Variants in VSNL1 observed in about 807,000 individuals in gnomAD.
VSNL1 encodes the protein visinin like 1.
VSNL1 carries 6 observed loss-of-function variants against 20.4 expected under a neutral mutation model. The ratio of observed to expected loss-of-function variants is 0.29; its 90% CI spans 0.16 to 0.58. The LOEUF (loss-of-function observed/expected upper bound fraction) is 0.58. Ranked by LOEUF, VSNL1 falls within the 20% of genes least tolerant of loss-of-function variation. The pLI is 0.90. For synonymous variants in VSNL1, 93 were observed against 86.4 expected, an observed-to-expected ratio of 1.08 and a Z score of -0.42; for missense variants, 100 against 234.5, an observed-to-expected ratio of 0.43 and a Z score of 3.75.
chr2:17,585,800 C>CTTTTT (rs1383820699), intron 1 of VSNL1, among the ~76,000 whole-genome samples: 2 of 148,212 alleles, frequency 1.3e-5, no homozygotes, highest in African/African-American at 2.5e-5. Context: ...TCTTGGAATT[C>CTTTTT]TTTTTTTCTT....
chr2:17,546,166 G>A (rs926926649), intron 1 of VSNL1: 10 of 151,824 alleles, frequency 6.6e-5, no homozygotes, highest in Admixed American at 2.0e-4. Flanking sequence ...ACTTAAAAAC[G>A]ATTTTATTTT....
chr2:17,632,583 G>C (rs1263432383), intron 2 of VSNL1, among the ~76,000 whole-genome samples: 1 of 152,228 alleles, frequency 6.6e-6, no homozygotes, highest in East Asian at 1.9e-4. Flanking sequence ...ACAGGCATGA[G>C]CCACTGTGCC....
intron 2 of VSNL1, among the ~76,000 whole-genome samples, chr2:17,622,436 C>T (rs1481953700): frequency 2.0e-5 from 3 of 148,164 alleles, no homozygotes; most frequent in East Asian, 2.0e-4. Flanking sequence ...AGGCGGAGGT[C>T]GCAGTGAGCC....
At chr2:17,602,531 C>T (rs1350588319) in intron 2 of VSNL1, among the ~76,000 whole-genome samples, 2 of 152,042 alleles carry the variant, frequency 1.3e-5, no homozygotes, top group Admixed American at 6.5e-5. Flanking sequence ...TCACCTGAGG[C>T]CAGGAGTTTG....
At chr2:17,562,021 C>T (rs1418385106) in intron 1 of VSNL1, among the ~76,000 whole-genome samples, 1 of 152,198 alleles carries the variant, frequency 6.6e-6, no homozygotes, top group Non-Finnish European at 1.5e-5. Flanking sequence ...CCCCAGACTA[C>T]TGAATTACCA....
intron 2 of VSNL1, among the ~76,000 whole-genome samples, chr2:17,647,337 G>T (rs1364769956): frequency 6.6e-6 from 1 of 152,164 alleles, no homozygotes; most frequent in African/African-American, 2.4e-5. Flanking sequence ...ATGCTGGCGG[G>T]TAAACAGCAC....
chr2:17,554,644 T>C (rs1663630342), intron 1 of VSNL1, among the ~76,000 whole-genome samples: 1 of 152,158 alleles, frequency 6.6e-6, no homozygotes, highest in South Asian at 2.1e-4. Context: ...ATCAGATACC[T>C]GGTCCTTCAA....
At chr2:17,582,319 A>G (rs966185061) in intron 1 of VSNL1, among the ~76,000 whole-genome samples, 1 of 152,296 alleles carries the variant, frequency 6.6e-6, no homozygotes, top group East Asian at 1.9e-4. Context: ...ATTCAGAGTG[A>G]GGATAATGAG....
At chr2:17,582,960 A>G (rs1235093053) in intron 1 of VSNL1, among the ~76,000 whole-genome samples, 3 of 152,178 alleles carry the variant, frequency 2.0e-5, no homozygotes, top group Non-Finnish European at 4.4e-5. Context: ...TTCAACTAGA[A>G]CATTTTACTT....
At chr2:17,599,257 C>A (rs1664776863) in intron 2 of VSNL1, among the ~76,000 whole-genome samples, 1 of 152,116 alleles carries the variant, frequency 6.6e-6, no homozygotes, top group Non-Finnish European at 1.5e-5. Context: ...TCAGAGAGGG[C>A]TGGTTAGGAA....
At chr2:17,626,182 A>G (rs1665504095) in intron 2 of VSNL1, among the ~76,000 whole-genome samples, 1 of 152,150 alleles carries the variant, frequency 6.6e-6, no homozygotes, top group Admixed American at 6.5e-5. Context: ...CATGACCCCA[A>G]TATGCCCCAC....
At position 17,621,227 on chromosome 2, in the gene VSNL1, CTT is replaced by C. The variant is rs1314511988; in HGVS notation, c.163-28181_163-28180del. On this transcript the variant is annotated intron_variant, in intron 2 of 3. Transcript: ENST00000295156. ...TCTTCCTTCCTTCCTTTCTCTCTCTCTTTCTTTCTTTCCTTCTTTTTCTTTCT... is the reference window on the plus strand; with the variant it reads ...TCTTCCTTCCTTCCTTTCTCTCTCTCTCTTTCTTTCCTTCTTTTTCTTTCT... Among the ~76,000 whole-genome samples, 22 of 151,638 alleles carry C rather than the reference CTT, an allele frequency of 1.5e-4. 1 individual carries two copies. Among genetic ancestry groups the C allele is most frequent in the Admixed American group, 1.4e-3 (22 of 15,230 alleles).
chr2:17,618,687 G>A (rs955902099), intron 2 of VSNL1, among the ~76,000 whole-genome samples: 3 of 152,082 alleles, frequency 2.0e-5, no homozygotes, highest in African/African-American at 7.2e-5. Flanking sequence ...TAATATTTCC[G>A]ACAGACTGAG....
chr2:17,632,023 A>G (rs1665644633), intron 2 of VSNL1, among the ~76,000 whole-genome samples: 1 of 152,016 alleles, frequency 6.6e-6, no homozygotes, highest in Admixed American at 6.6e-5. Flanking sequence ...CGTAGCTGGG[A>G]CTACAGGCCC....
intron 1 of VSNL1, among the ~76,000 whole-genome samples, chr2:17,589,626 G>A (rs62132092): frequency 0.054 from 8,165 of 152,260 alleles, 258 homozygotes; most frequent in East Asian, 0.091. Flanking sequence ...TTATGCACTT[G>A]AGTCTCCAAA....
chr2:17,632,174 A>G (rs1353659770), intron 2 of VSNL1, among the ~76,000 whole-genome samples: 1 of 152,164 alleles, frequency 6.6e-6, no homozygotes, highest in Non-Finnish European at 1.5e-5. Flanking sequence ...TGGCCAGGTA[A>G]GGTTTTTTGT....
At chr2:17,610,267 T>A (rs1241907499) in intron 2 of VSNL1, among the ~76,000 whole-genome samples, 1 of 152,160 alleles carries the variant, frequency 6.6e-6, no homozygotes, top group Non-Finnish European at 1.5e-5. Flanking sequence ...AAATTAGGAT[T>A]CTGGAATGAA....
At chr2:17,593,479 A>G (rs4038129) in intron 2 of VSNL1, among the ~76,000 whole-genome samples, 16,702 of 152,210 alleles carry the variant, frequency 0.11, 1,185 homozygotes, top group African/African-American at 0.2. Context: ...ATATAAAAAG[A>G]AAAGCAGGGA....
At chr2:17,584,836 C>T (rs62132078) in intron 1 of VSNL1, among the ~76,000 whole-genome samples, 5,016 of 152,148 alleles carry the variant, frequency 0.033, 90 homozygotes, top group East Asian at 0.097. Flanking sequence ...ATGGCTAGGC[C>T]CTAACATACT....
Sources: gnomAD v4.1 joint callset for allele counts (sites outside exome capture counted in the v4.1 genomes callset) on GRCh38, gnomAD v4.1.1 for gene constraint, MANE v1.5 for transcripts, NCBI Gene and HGNC (gene_info 2026-07-23, HGNC 2026-07-21) for gene names.